DCDC2C: variants seen among roughly 807,000 people sequenced by gnomAD.
DCDC2C encodes doublecortin domain containing 2C.
In DCDC2C, 44 loss-of-function variants were observed where a neutral mutation model predicts 45.0. The ratio of observed to expected loss-of-function variants is 0.98; its 90% CI spans 0.77 to 1.26. The LOEUF (loss-of-function observed/expected upper bound fraction) is 1.26, where lower values mean the gene tolerates loss of function less well. DCDC2C is among the 50% of genes most tolerant of loss of function. DCDC2C has a pLI of 0.00. For synonymous variants in DCDC2C, 187 were observed against 178.8 expected (o/e 1.05, Z -0.37); for missense variants, 447 against 468.9 (o/e 0.95, Z 0.43).
At chr2:3,738,705 T>G (rs1401285247) in intron 3 of DCDC2C, among the ~76,000 whole-genome samples, 2 of 152,218 alleles carry the variant, frequency 1.3e-5, no homozygotes, top group Admixed American at 1.3e-4. Context: ...TGCACTGTTG[T>G]GTACCTTCAT....
chr2:3,782,296 G>A (rs372897464), intron 9 of DCDC2C, among the ~76,000 whole-genome samples: 5 of 152,256 alleles, frequency 3.3e-5, no homozygotes, highest in South Asian at 4.1e-4. Flanking sequence ...AGAAGTGGGA[G>A]CAATCAAAAT....
At chr2:3,797,818 G>C (rs1353265437) in intron 10 of DCDC2C, among the ~76,000 whole-genome samples, 1 of 151,028 alleles carries the variant, frequency 6.6e-6, no homozygotes, top group Non-Finnish European at 1.5e-5. Context: ...AATAGGTGTG[G>C]TGTGGTGCTG....
At chr2:3,710,999 C>T (rs182727415) in intron 2 of DCDC2C, among the ~76,000 whole-genome samples, 285 of 152,318 alleles carry the variant, frequency 1.9e-3, no homozygotes, top group Middle Eastern at 3.4e-3. Context: ...AAACCTCCAA[C>T]GGCCCTGCAT....
At chr2:3,748,636 GAC>G (rs1669445104) in intron 4 of DCDC2C, among the ~76,000 whole-genome samples, 1 of 152,184 alleles carries the variant, frequency 6.6e-6, no homozygotes, top group Non-Finnish European at 1.5e-5. Context: ...TGGAGAAACA[GAC>G]ACACAATCTG....
At chr2:3,722,182 C>G (rs1668520882) in intron 2 of DCDC2C, among the ~76,000 whole-genome samples, 1 of 152,232 alleles carries the variant, frequency 6.6e-6, no homozygotes, top group Non-Finnish European at 1.5e-5. Flanking sequence ...CAAGGCCACA[C>G]AGCTAGTAAG....
chr2:3,768,709 G>A (rs1457301199), intron 7 of DCDC2C, among the ~76,000 whole-genome samples: 1 of 152,098 alleles, frequency 6.6e-6, no homozygotes, highest in Non-Finnish European at 1.5e-5. Flanking sequence ...AAGTAGCTGG[G>A]ACTACAGGCA....
intron 10 of DCDC2C, among the ~76,000 whole-genome samples, chr2:3,797,698 C>G (rs1670997777): frequency 6.6e-6 from 1 of 151,852 alleles, no homozygotes; most frequent in East Asian, 1.9e-4. Context: ...GATTCTTAAT[C>G]CTGAGTTTTA....
At chr2:3,706,616 C>G (rs1408344355) in intron 1 of DCDC2C, among the ~76,000 whole-genome samples, 3 of 152,046 alleles carry the variant, frequency 2.0e-5, no homozygotes, top group African/African-American at 7.3e-5. Context: ...GGAATATTAC[C>G]CTGTTTACTT....
At chr2:3,753,889 A>G (rs1177258643) in intron 5 of DCDC2C, among the ~76,000 whole-genome samples, 5 of 152,180 alleles carry the variant, frequency 3.3e-5, no homozygotes, top group African/African-American at 1.2e-4. Flanking sequence ...GTTAGGTTAG[A>G]GTCCCACCTG....
chr2:3,754,726 G>A (rs562663975), intron 6 of DCDC2C, 92 bp downstream of exon 6: 4 of 1,130,294 alleles, frequency 3.5e-6, no homozygotes, highest in Admixed American at 4.6e-5. Flanking sequence ...GACGGCCCGA[G>A]CTGTAAACAG....
At chr2:3,793,981 T>C (rs1354370612) in intron 10 of DCDC2C, among the ~76,000 whole-genome samples, 1 of 152,248 alleles carries the variant, frequency 6.6e-6, no homozygotes, top group African/African-American at 2.4e-5. Context: ...TAATTGTGGA[T>C]ATTCTTTGGT....
At chr2:3,729,791 C>T (rs936953137) in intron 3 of DCDC2C, among the ~76,000 whole-genome samples, 1 of 152,146 alleles carries the variant, frequency 6.6e-6, no homozygotes, top group African/African-American at 2.4e-5. Flanking sequence ...AGTAAATGTT[C>T]CTGGCAGCCC....
At position 3,813,039 on chromosome 2, in the gene DCDC2C, G is replaced by GTA. The variant is rs202152340; in HGVS notation, c.1065+27967_1065+27968dup. ...AGTGCTATGTGGCACTGAGAAGAAC[G>GTA]TATATATATATATATATATATATAT... On this transcript the variant is annotated intron_variant, in intron 10 of 10. Transcript: ENST00000399143. Among the ~76,000 whole-genome samples the GTA allele has an allele frequency of 3.7e-3, 324 of 87,406 alleles. 1 individual carries two copies. The highest frequency in any genetic ancestry group is 0.014 in the Middle Eastern group (2 of 144). The allele number at this position is 87,406 out of a possible 152,430, so 57.3% of individuals were successfully genotyped here. A position where few individuals can be genotyped will look rare whatever the true frequency, so the allele number is the denominator to read the frequency against.
In DCDC2C at chr2:3,797,113, G is replaced by A. The variant is rs1225744642; in HGVS notation, c.1065+12013G>A. 5.3e-5 allele frequency among the ~76,000 whole-genome samples: 8 copies of A among 152,174 alleles called. No homozygotes were observed. The South Asian group carries it at 6.2e-4, about 12-fold the overall frequency. Reference sequence around the variant, plus strand: ...TTAGTCTTGGGAGAGTGTATGTGTCGAGGAATTTATCCATTTCTTCTAGAT... The same window carrying A: ...TTAGTCTTGGGAGAGTGTATGTGTCAAGGAATTTATCCATTTCTTCTAGAT... On this transcript the variant is annotated intron_variant, in intron 10 of 10. Transcript: ENST00000399143.
chr2:3,804,343 G>A (rs1558235312), intron 10 of DCDC2C, among the ~76,000 whole-genome samples: 1 of 152,138 alleles, frequency 6.6e-6, no homozygotes, highest in African/African-American at 2.4e-5. Context: ...TGTGCCTAAT[G>A]TATTGAAGAA....
chr2:3,704,258 C>T (rs574228957), intron 1 of DCDC2C: 1 of 403,568 alleles, frequency 2.5e-6, no homozygotes, highest in East Asian at 3.7e-5. Flanking sequence ...AGGGTCCCTT[C>T]CTATGGGGCA....
chr2:3,733,580 C>T (rs1051116575), intron 3 of DCDC2C, among the ~76,000 whole-genome samples: 7 of 152,098 alleles, frequency 4.6e-5, no homozygotes, highest in African/African-American at 9.7e-5. Context: ...CTGGGAAGTC[C>T]GAGATTGAGG....
At chr2:3,805,787 A>G (rs1403386811) in intron 10 of DCDC2C, among the ~76,000 whole-genome samples, 1 of 152,268 alleles carries the variant, frequency 6.6e-6, no homozygotes, top group Non-Finnish European at 1.5e-5. Context: ...AAATGCAGCA[A>G]TGCTTCACTT....
At chr2:3,791,384 C>T (rs536762044) in intron 10 of DCDC2C, among the ~76,000 whole-genome samples, 24 of 151,800 alleles carry the variant, frequency 1.6e-4, no homozygotes, top group African/African-American at 4.1e-4. Context: ...GAGACAGTCA[C>T]GGATGGACCA....
Sources: allele counts gnomAD v4.1 joint callset (sites outside exome capture counted in the v4.1 genomes callset), GRCh38; gene constraint gnomAD v4.1.1; transcripts MANE v1.5; gene names NCBI Gene and HGNC (gene_info 2026-07-23, HGNC 2026-07-21).